ERBB4: variants seen among roughly 807,000 people sequenced by gnomAD.
ERBB4 encodes erb-b2 receptor tyrosine kinase 4.
Under a neutral mutation model 158.0 loss-of-function variants are expected in ERBB4, and 42 were observed. The ratio of observed to expected loss-of-function variants is 0.27; its 90% CI spans 0.21 to 0.34. The LOEUF is 0.34. ERBB4 is among the 10% of genes least tolerant of loss of function. ERBB4 has a pLI of 1.00. For missense variants in ERBB4, 1,333 were observed against 1,624.1 expected, an observed-to-expected ratio of 0.82 and a Z score of 3.08; for synonymous variants, 583 against 558.7, an observed-to-expected ratio of 1.04 and a Z score of -0.61.
At chr2:211,654,826 A>G (rs1365796351) in intron 16 of ERBB4, among the ~76,000 whole-genome samples, 4 of 152,138 alleles carry the variant, frequency 2.6e-5, no homozygotes, top group African/African-American at 9.7e-5. Context: ...TCTTCTTAAG[A>G]ATGATGGGCT....
chr2:212,012,311 C>T (rs1004105314), intron 2 of ERBB4, among the ~76,000 whole-genome samples: 6 of 151,974 alleles, frequency 3.9e-5, no homozygotes, highest in South Asian at 2.1e-4. Flanking sequence ...TATTTTAAGA[C>T]GAAATTATAT....
intron 5 of ERBB4, among the ~76,000 whole-genome samples, chr2:211,748,508 T>A (rs546785554): frequency 3.6e-4 from 55 of 152,224 alleles, no homozygotes; most frequent in African/African-American, 1.3e-3. Context: ...GTGCCCCTAC[T>A]CAACAGAAGA....
At chr2:211,425,935 C>T (rs2063617267) in intron 22 of ERBB4, among the ~76,000 whole-genome samples, 1 of 152,076 alleles carries the variant, frequency 6.6e-6, no homozygotes, top group African/African-American at 2.4e-5. Flanking sequence ...CTGCCCACAT[C>T]GGCCTCCCTA....
intron 1 of ERBB4, among the ~76,000 whole-genome samples, chr2:212,216,062 G>A (rs554388192): frequency 1.8e-4 from 27 of 151,342 alleles, no homozygotes; most frequent in Non-Finnish European, 2.7e-4. Context: ...GATTTGCGCC[G>A]GTGTTATGGG....
At chr2:212,287,046 C>G (rs183510606) in intron 1 of ERBB4, among the ~76,000 whole-genome samples, 1 of 151,950 alleles carries the variant, frequency 6.6e-6, no homozygotes, top group Admixed American at 6.6e-5. Flanking sequence ...AACGCGCTGA[C>G]ACAACGACCT....
In ERBB4 at chr2:212,293,280, T is replaced by C. The variant is rs114111660; in HGVS notation, c.83-168377A>G. On this transcript the variant is annotated intron_variant, in intron 1 of 27. Coordinates refer to ENST00000342788, the MANE Select transcript of ERBB4 (RefSeq NM_005235.3). ...TTCAGAAAAACATTTACTTAAAAAATCATAAATATTAATCATATTTTTAAA... is the reference window on the plus strand; with the variant it reads ...TTCAGAAAAACATTTACTTAAAAAACCATAAATATTAATCATATTTTTAAA... Among the ~76,000 whole-genome samples the C allele has an allele frequency of 9.4e-3, 1,423 of 152,070 alleles. 9 individuals are homozygous for C. Among genetic ancestry groups the C allele is most frequent in the Non-Finnish European group, 0.016 (1,056 of 67,972 alleles).
rs1424791033 is a variant in ERBB4 at position 211,457,635 on chromosome 2, G to A, written c.2488-26535C>T. ...AATTTTGCACAGGGAGATGAGGGTC[G>A]TGGAGGAAGAACTCTTACATCATGC... On this transcript the variant is annotated intron_variant, in intron 20 of 27. Transcript: ENST00000342788. Among the ~76,000 whole-genome samples, 13 of 152,188 alleles carry A rather than the reference G, an allele frequency of 8.5e-5. No individual in the cohort carries two copies. The East Asian group carries it at 1.3e-3, about 16-fold the overall frequency.
chr2:212,228,098 C>T (rs1366642711), intron 1 of ERBB4, among the ~76,000 whole-genome samples: 1 of 152,156 alleles, frequency 6.6e-6, no homozygotes, highest in Non-Finnish European at 1.5e-5. Flanking sequence ...TACTCCTTTT[C>T]ACCTCCCCCT....
chr2:211,805,413 A>G (rs2076591682), intron 3 of ERBB4, among the ~76,000 whole-genome samples: 1 of 152,224 alleles, frequency 6.6e-6, no homozygotes, highest in Non-Finnish European at 1.5e-5. Context: ...ATAATATAAA[A>G]GGGTGTTAAA....
intron 1 of ERBB4, among the ~76,000 whole-genome samples, chr2:212,142,373 T>C (rs1318505390): frequency 5.3e-5 from 8 of 151,896 alleles, no homozygotes; most frequent in Admixed American, 6.6e-5. Flanking sequence ...GATGGATGGA[T>C]GGACGCATAA....
rs71054125 is a variant in ERBB4, at chr2:211,673,517, C to CAAAAAAAAA, written c.1623-269_1623-261dup. On this transcript the variant is annotated intron_variant, in intron 13 of 27. Transcript: ENST00000342788. The stretch of plus-strand genomic sequence containing the variant: ...CCTGCAAGACATATTCCAGCAATCT[C>CAAAAAAAAA]AAAAAAAAAAAAAGCTACAAAGTAT... 4.8e-4 allele frequency among the ~76,000 whole-genome samples: 26 copies of CAAAAAAAAA among 54,104 alleles called. 3 individuals are homozygous for CAAAAAAAAA. The highest frequency in any genetic ancestry group is 8.6e-4 in the African/African-American group (12 of 13,912). The allele number at this position is 54,104 out of a possible 152,430, so 35.5% of individuals were successfully genotyped here. A position where few individuals can be genotyped will look rare whatever the true frequency, so the allele number is the denominator to read the frequency against.
At chr2:211,418,035 A>T (rs2063430945) in intron 25 of ERBB4, among the ~76,000 whole-genome samples, 1 of 152,138 alleles carries the variant, frequency 6.6e-6, no homozygotes, top group Admixed American at 6.5e-5. Flanking sequence ...AACATTACCT[A>T]AAGTTTCTTA....
intron 19 of ERBB4, among the ~76,000 whole-genome samples, chr2:211,612,872 T>A (rs1458412858): frequency 6.6e-6 from 1 of 152,044 alleles, no homozygotes; most frequent in African/African-American, 2.4e-5. Flanking sequence ...ATCAAAGCAT[T>A]TACTCTCGAA....
At chr2:212,411,510 CA>C (rs2091500242) in intron 1 of ERBB4, among the ~76,000 whole-genome samples, 1 of 152,194 alleles carries the variant, frequency 6.6e-6, no homozygotes, top group African/African-American at 2.4e-5. Flanking sequence ...GGGGATGTGA[CA>C]GCTTTTCTCC....
At chr2:211,899,690 A>G (rs1338282758) in intron 3 of ERBB4, among the ~76,000 whole-genome samples, 2 of 152,166 alleles carry the variant, frequency 1.3e-5, no homozygotes, top group Non-Finnish European at 2.9e-5. Context: ...CAAGACTAGC[A>G]TTCTAGTTTG....
At chr2:211,582,236 C>T (rs1214243179) in intron 19 of ERBB4, among the ~76,000 whole-genome samples, 2 of 152,088 alleles carry the variant, frequency 1.3e-5, no homozygotes, top group Non-Finnish European at 2.9e-5. Context: ...GTAGGCGTGC[C>T]GGCTTTCATC....
chr2:211,572,678 G>C (rs144763063), intron 19 of ERBB4, among the ~76,000 whole-genome samples: 1,669 of 152,272 alleles, frequency 0.011, 37 homozygotes, highest in African/African-American at 0.038. Context: ...TCATCTTGAA[G>C]TACTTCAACA....
At chr2:211,509,151 G>A (rs1002319953) in intron 20 of ERBB4, among the ~76,000 whole-genome samples, 1 of 106,536 alleles carries the variant, frequency 9.4e-6, no homozygotes, top group Non-Finnish European at 2.2e-5. Context: ...CATGGACACA[G>A]GGAGGGGGGA....
chr2:211,434,238 T>G (rs994695913), intron 20 of ERBB4, among the ~76,000 whole-genome samples: 13 of 152,160 alleles, frequency 8.5e-5, no homozygotes, highest in Non-Finnish European at 1.2e-4. Flanking sequence ...CCAAAAAATT[T>G]AAAACTCTGC....
Sources: allele counts gnomAD v4.1 joint callset (sites outside exome capture counted in the v4.1 genomes callset), GRCh38; gene constraint gnomAD v4.1.1; transcripts MANE v1.5; gene names NCBI Gene and HGNC (gene_info 2026-07-23, HGNC 2026-07-21).